The following SYNJ2 variants were observed in gnomAD, a reference collection of about 807,000 sequenced individuals.
The protein encoded by SYNJ2 is synaptojanin 2.
A neutral mutation model predicts 141.3 loss-of-function variants in SYNJ2; 116 were observed. That is an observed-to-expected ratio of 0.82 (90% CI 0.71 to 0.96). SYNJ2 has a LOEUF of 0.96. Among genes scored for constraint, SYNJ2 ranks in the 40% least tolerant of loss-of-function variants. The pLI is 0.00. For synonymous variants in SYNJ2, 745 were observed against 777.7 expected (o/e 0.96, Z 0.70); for missense variants, 1,873 against 1,934.8 (o/e 0.97, Z 0.60).
At chr6:158,051,966 A>AG (rs1780592819) in intron 5 of SYNJ2, among the ~76,000 whole-genome samples, 1 of 151,698 alleles carries the variant, frequency 6.6e-6, no homozygotes, top group African/African-American at 2.4e-5. Flanking sequence ...AAAGAAAAAA[A>AG]AAAGAAGAAG....
intron 22 of SYNJ2, among the ~76,000 whole-genome samples, chr6:158,085,252 C>T (rs1315291572): frequency 6.6e-6 from 1 of 152,138 alleles, no homozygotes; most frequent in Non-Finnish European, 1.5e-5. Context: ...AACTCCTGGG[C>T]TCAAGTGACC....
At position 158,098,825 on chromosome 6, in the gene SYNJ2, T is replaced by C. The variant is rs1783916400; in HGVS notation, c.*2461T>C. 6.6e-6 allele frequency: 1 copy of C among 152,258 alleles called. No homozygotes were observed. The highest frequency in any genetic ancestry group is 1.5e-5 in the Non-Finnish European group (1 of 68,048). 9.4% of individuals were successfully genotyped at this position (152,258 alleles called of 1,614,324 possible). ...ACTTCACAACTCACCATTGTCTCTC[T>C]GACCCCAAGCCTAGTCCCTTTTACA... is the stretch of plus-strand genomic sequence containing the variant. On this transcript the variant is annotated 3_prime_UTR_variant, in exon 27 of 27. Transcript: ENST00000355585.
chr6:158,017,632 T>C, intron 2 of SYNJ2: 1 of 428,638 alleles, frequency 2.3e-6, no homozygotes, highest in Non-Finnish European at 4.7e-6. Flanking sequence ...GTCAGGCTGG[T>C]CTGAAACTCC....
At position 158,075,412 on chromosome 6, in the gene SYNJ2, G is replaced by C. The variant is rs547592057; in HGVS notation, c.2292+674G>C. 4.0e-5 allele frequency among the ~76,000 whole-genome samples: 6 copies of C among 151,890 alleles called. No individual in the cohort carries two copies. The East Asian group carries it at 1.2e-3, about 30-fold the overall frequency. On this transcript the variant is annotated intron_variant, in intron 16 of 26. Transcript: ENST00000355585. ...TCCCAACACTTTGGGAGGCCGAGGC[G>C]TGCGGATCACCTGAGGTCAGGAGTT...
intron 3 of SYNJ2, 73 bp downstream of exon 3, chr6:158,029,099 A>C (rs1779222047): frequency 5.6e-6 from 4 of 708,420 alleles, no homozygotes; most frequent in Non-Finnish European, 7.4e-6. Context: ...TTGGCATCTG[A>C]GGCCTTGACC....
chr6:158,065,351 T>C (rs962294979), intron 11 of SYNJ2, among the ~76,000 whole-genome samples: 2 of 152,200 alleles, frequency 1.3e-5, no homozygotes, highest in Non-Finnish European at 2.9e-5. Flanking sequence ...GCAGGTGATG[T>C]TGGCTTTGGG....
In SYNJ2 at chr6:158,095,811, C is replaced by G. The variant is rs1028835979; in HGVS notation, c.3938C>G (p.Pro1313Arg). ...HRKPASDEAPPGAGASVPPPL... is the reference protein window; with the variant it reads ...HRKPASDEAPRGAGASVPPPL... ...AAGCCAGCATCAGACGAAGCCCCTC[C>G]TGGGGCAGGAGCCTCTGTGCCACCA... Residue 1313 changes from proline to arginine, a missense_variant, in exon 27 of 27, where the codon CCT (proline) becomes CGT (arginine). By Grantham distance (103) the Pro-to-Arg change is moderately radical (BLOSUM62 -2). Transcript: ENST00000355585. 6.2e-6 allele frequency: 10 copies of G among 1,614,146 alleles called. No homozygotes were observed. Among genetic ancestry groups the G allele is most frequent in the Non-Finnish European group, 7.6e-6 (9 of 1,180,000 alleles).
chr6:158,036,621 G>A (rs1298714020), intron 4 of SYNJ2, among the ~76,000 whole-genome samples: 2 of 152,164 alleles, frequency 1.3e-5, no homozygotes, highest in Non-Finnish European at 2.9e-5. Flanking sequence ...ATCAGAGGGT[G>A]GAGGATGGAG....
chr6:157,985,777 C>G (rs952029152), intron 1 of SYNJ2, among the ~76,000 whole-genome samples: 1 of 152,168 alleles, frequency 6.6e-6, no homozygotes, highest in Non-Finnish European at 1.5e-5. Context: ...GAAGTCGTGC[C>G]TCCTGCCGCC....
rs770988117 is a variant in SYNJ2, at chr6:158,059,244, G to A, written c.858-13G>A. 32 of 1,543,082 alleles carry A rather than the reference G, an allele frequency of 2.1e-5. No homozygotes were observed. The highest frequency in any genetic ancestry group is 7.2e-5 in the South Asian group (6 of 83,178). On this transcript the variant is annotated splice_polypyrimidine_tract_variant and intron_variant, in intron 6 of 26. Coordinates refer to ENST00000355585, the MANE Select transcript of SYNJ2 (RefSeq NM_003898.4). ...CCGTGCCCAGCATCACGCCCACCCC[G>A]CTGCCTTTGCAGGCACATGGTGCTT...
intron 6 of SYNJ2, among the ~76,000 whole-genome samples, chr6:158,055,918 T>C (rs1028258966): frequency 1.3e-5 from 2 of 152,236 alleles, no homozygotes; most frequent in African/African-American, 4.8e-5. Flanking sequence ...ATTATTAGTA[T>C]GTCCTGAGCA....
intron 5 of SYNJ2, among the ~76,000 whole-genome samples, chr6:158,048,614 G>A (rs552207847): frequency 2.0e-5 from 3 of 152,180 alleles, no homozygotes; most frequent in Admixed American, 6.5e-5. Context: ...ATCTGGGGCC[G>A]GGAGCCAGGC....
At chr6:158,065,030 G>A (rs1177598322) in intron 11 of SYNJ2, 39 bp downstream of exon 11, 1 of 1,485,710 alleles carries the variant, frequency 6.7e-7, no homozygotes, top group African/African-American at 1.4e-5. Context: ...AGGGAGGTAG[G>A]GTGCTCCCCA....
Position 158,096,460 on chromosome 6 carries a change from G to A in SYNJ2, c.*96G>A. On this transcript the variant is annotated 3_prime_UTR_variant, in exon 27 of 27. Coordinates refer to ENST00000355585, the MANE Select transcript of SYNJ2 (RefSeq NM_003898.4). Reference sequence around the variant, plus strand: ...AGAGACATCTATTTAAAGGCACACTGGCCAAAACGTTTGTGCATCTGTCAC... The same window carrying A: ...AGAGACATCTATTTAAAGGCACACTAGCCAAAACGTTTGTGCATCTGTCAC... 7.1e-7 allele frequency: 1 copy of A among 1,400,356 alleles called. No individual in the cohort carries two copies. The highest frequency in any genetic ancestry group is 9.5e-7 in the Non-Finnish European group (1 of 1,051,304). The allele number at this position is 1,400,356 out of a possible 1,614,324, so 86.7% of individuals were successfully genotyped here.
At chr6:158,038,098 A>T (rs1317429044) in intron 4 of SYNJ2, among the ~76,000 whole-genome samples, 3 of 152,174 alleles carry the variant, frequency 2.0e-5, no homozygotes, top group Non-Finnish European at 4.4e-5. Flanking sequence ...GGCCATAGAG[A>T]TATGAACAGC....
intron 3 of SYNJ2, chr6:158,029,251 T>C (rs1779230911): frequency 5.7e-6 from 3 of 524,234 alleles, no homozygotes; most frequent in South Asian, 3.1e-5. Flanking sequence ...CAGTGTAGAT[T>C]TGGAAAAGAA....
intron 1 of SYNJ2, among the ~76,000 whole-genome samples, chr6:157,995,165 T>C (rs539882196): frequency 1.3e-5 from 2 of 152,312 alleles, no homozygotes; most frequent in South Asian, 2.1e-4. Context: ...TGAGAAAATA[T>C]GATGAAATAT....
intron 3 of SYNJ2, among the ~76,000 whole-genome samples, chr6:158,030,026 G>A (rs1779279087): frequency 6.6e-6 from 1 of 152,158 alleles, no homozygotes. Context: ...CCTGCCCAAA[G>A]GGACTTGTAG....
Position 158,084,034 on chromosome 6 carries a change from T to C in SYNJ2, c.3068T>C (p.Val1023Ala). ...DILEDDEDYLVDEFNQPGVSD... is the reference protein window; with the variant it reads ...DILEDDEDYLADEFNQPGVSD... ...CTTGAAGACGATGAAGACTACTTGG[T>C]GGATGAATTCAATCAGCCTGGAGTC... Residue 1023 changes from valine to alanine, a missense_variant, in exon 22 of 27, where the codon GTG (valine) becomes GCG (alanine). Physicochemically the swap from Val to Ala is moderately conservative, Grantham distance 64. Transcript: ENST00000355585. This position sits in a 1 kb window ranked among gnomAD's most constrained non-coding sequence, Gnocchi z 5.0. 1 of 1,614,074 alleles carries C rather than the reference T, an allele frequency of 6.2e-7. No homozygotes were observed. The highest frequency in any genetic ancestry group is 8.5e-7 in the Non-Finnish European group (1 of 1,179,996).
Sources: gnomAD v4.1 joint callset for allele counts (sites outside exome capture counted in the v4.1 genomes callset) on GRCh38, gnomAD v4.1.1 for gene constraint, Gnocchi (gnomAD v3.1) non-coding constraint, MANE v1.5 for transcripts, NCBI Gene and HGNC (gene_info 2026-07-23, HGNC 2026-07-21) for gene names.